LRP1B: variants seen among roughly 807,000 people sequenced by gnomAD.
LRP1B encodes the protein low-density lipoprotein receptor-related protein 1B.
LRP1B carries 217 observed loss-of-function variants against 556.6 expected under a neutral mutation model. The ratio of observed to expected loss-of-function variants is 0.39; its 90% CI spans 0.35 to 0.44. The LOEUF (loss-of-function observed/expected upper bound fraction) is 0.44, where lower values mean the gene tolerates loss of function less well. Ranked by LOEUF, LRP1B falls within the 20% of genes least tolerant of loss-of-function variation. The pLI is 1.00. For missense variants in LRP1B, 5,053 were observed against 5,620.8 expected, an observed-to-expected ratio of 0.90 and a Z score of 3.23; for synonymous variants, 2,047 against 1,865.8, an observed-to-expected ratio of 1.10 and a Z score of -2.50.
chr2:141,174,342 C>T (rs1680641377), intron 7 of LRP1B, among the ~76,000 whole-genome samples: 1 of 152,062 alleles, frequency 6.6e-6, no homozygotes, highest in South Asian at 2.1e-4. Flanking sequence ...ATATAATTTA[C>T]TTGTGATATG....
intron 71 of LRP1B, among the ~76,000 whole-genome samples, chr2:140,368,234 A>G (rs1385886567): frequency 6.6e-6 from 1 of 151,858 alleles, no homozygotes; most frequent in African/African-American, 2.4e-5. Flanking sequence ...AATCAGCTCA[A>G]CAGAAAATAT....
intron 1 of LRP1B, among the ~76,000 whole-genome samples, chr2:142,123,925 G>A (rs920645143): frequency 6.6e-6 from 1 of 151,882 alleles, no homozygotes; most frequent in Admixed American, 6.6e-5. Context: ...CCTTTGAAAA[G>A]CGTTACGTAT....
chr2:140,988,165 C>T (rs1696982814), intron 17 of LRP1B, among the ~76,000 whole-genome samples: 2 of 151,944 alleles, frequency 1.3e-5, no homozygotes, highest in Non-Finnish European at 2.9e-5. Flanking sequence ...TCAAGTTTCC[C>T]CTGATCTTTT....
At chr2:141,297,823 C>G (rs992484267) in intron 3 of LRP1B, among the ~76,000 whole-genome samples, 4 of 152,096 alleles carry the variant, frequency 2.6e-5, no homozygotes, top group South Asian at 2.1e-4. Flanking sequence ...TTTAGATACA[C>G]AAACACTTAC....
At chr2:140,960,562 A>G (rs773963794) in intron 18 of LRP1B, among the ~76,000 whole-genome samples, 20 of 151,816 alleles carry the variant, frequency 1.3e-4, no homozygotes, top group Non-Finnish European at 2.5e-4. Flanking sequence ...AAGAACGTTA[A>G]AAAAAGAAGC....
At chr2:142,112,772 T>C (rs1343596792) in intron 1 of LRP1B, among the ~76,000 whole-genome samples, 1 of 152,112 alleles carries the variant, frequency 6.6e-6, no homozygotes, top group Non-Finnish European at 1.5e-5. Flanking sequence ...CAAGACTCTA[T>C]AGTAGGTACT....
chr2:140,558,243 G>A (rs1243582748), intron 43 of LRP1B, among the ~76,000 whole-genome samples: 2 of 152,020 alleles, frequency 1.3e-5, no homozygotes, highest in South Asian at 2.1e-4. Context: ...CTGTATGGCC[G>A]AACAAATCCG....
rs113829413 is a variant in LRP1B, at chr2:140,303,711, G to A, written c.12806-5742C>T. On this transcript the variant is annotated intron_variant, in intron 83 of 90. Coordinates refer to ENST00000389484, the MANE Select transcript of LRP1B (RefSeq NM_018557.3). ...TCTAGGGTAGGTGTGCACAACATGCGGGTTTGTTACATAGGTATACATGTG... is the reference window on the plus strand; with the variant it reads ...TCTAGGGTAGGTGTGCACAACATGCAGGTTTGTTACATAGGTATACATGTG... Among the ~76,000 whole-genome samples the A allele has an allele frequency of 1.6e-4, 24 of 151,796 alleles. 1 individual carries two copies. Among genetic ancestry groups the A allele is most frequent in the South Asian group, 6.3e-4 (3 of 4,796 alleles).
intron 2 of LRP1B, among the ~76,000 whole-genome samples, chr2:141,688,088 A>G (rs1392672677): frequency 6.6e-6 from 1 of 151,842 alleles, no homozygotes; most frequent in African/African-American, 2.4e-5. Context: ...CCAAGCATCA[A>G]CATTAAGTCA....
Position 140,373,537 on chromosome 2 carries a change from G to C in LRP1B, c.10639-400C>G, listed in dbSNP as rs140562840. ...CATCATACTAATTAAGTTACTCTGA[G>C]AGTATCATTATTCAGTAGATAGTTA... On this transcript the variant is annotated intron_variant, in intron 68 of 90. Coordinates refer to ENST00000389484, the MANE Select transcript of LRP1B (RefSeq NM_018557.3). 2.4e-3 allele frequency among the ~76,000 whole-genome samples: 370 copies of C among 152,210 alleles called. 2 individuals are homozygous for C. Among genetic ancestry groups the C allele is most frequent in the African/African-American group, 8.0e-3 (334 of 41,522 alleles).
intron 7 of LRP1B, among the ~76,000 whole-genome samples, chr2:141,073,231 C>G (rs138415325): frequency 2.1e-3 from 324 of 152,186 alleles, no homozygotes; most frequent in African/African-American, 7.4e-3. Flanking sequence ...ATTTACCATT[C>G]AAATTTTTTT....
intron 89 of LRP1B, among the ~76,000 whole-genome samples, chr2:140,236,366 T>A (rs1439145099): frequency 1.3e-5 from 2 of 150,688 alleles, no homozygotes; most frequent in Non-Finnish European, 1.5e-5. Flanking sequence ...CTTTTGTAAG[T>A]CAGAAAAATA....
intron 48 of LRP1B, 28 bp downstream of exon 48, chr2:140,526,209 A>G: frequency 6.3e-7 from 1 of 1,594,944 alleles, no homozygotes. Flanking sequence ...CCAAGCATAA[A>G]CAGACAAAAG....
intron 86 of LRP1B, among the ~76,000 whole-genome samples, chr2:140,268,876 G>A (rs1488613862): frequency 6.6e-6 from 1 of 150,852 alleles, no homozygotes; most frequent in East Asian, 1.9e-4. Flanking sequence ...GTAAAATTTT[G>A]GGAAACAAAA....
intron 35 of LRP1B, among the ~76,000 whole-genome samples, chr2:140,725,704 A>T (rs554888755): frequency 2.6e-5 from 4 of 151,986 alleles, no homozygotes; most frequent in Admixed American, 6.5e-5. Context: ...AATAAATAAA[A>T]AAATAAATAA....
At chr2:141,232,117 A>G (rs1234124201) in intron 5 of LRP1B, among the ~76,000 whole-genome samples, 4 of 152,104 alleles carry the variant, frequency 2.6e-5, no homozygotes, top group Admixed American at 1.3e-4. Flanking sequence ...AACCTCTTAA[A>G]TCTATCTTTA....
chr2:141,317,981 C>A lies in LRP1B; in HGVS notation c.344-63340G>T, dbSNP rs139401022. Among the ~76,000 whole-genome samples the A allele has an allele frequency of 6.8e-3, 1,038 of 152,028 alleles. 35 individuals are homozygous for A. The highest frequency in any genetic ancestry group is 0.054 in the Admixed American group (816 of 15,236). On this transcript the variant is annotated intron_variant, in intron 3 of 90. Transcript: ENST00000389484. ...AAATTAACATTTTAATCAGTCTGAG[C>A]CATTCTTGCACTGTCAGTCCCTCAT...
At chr2:142,129,584 TTCTCTCTCTCTCTCTCTCTCTCTC>T (rs56034357) in intron 1 of LRP1B, among the ~76,000 whole-genome samples, 21,622 of 134,866 alleles carry the variant, frequency 0.16, 1,768 homozygotes, top group African/African-American at 0.22. Flanking sequence ...CTTTCTCTCT[TTCTCTCTCTCTCTCTCTCTCTCTC>T]TCTCTCTCTC....
chr2:141,277,320 A>G (rs1685341098), intron 3 of LRP1B, among the ~76,000 whole-genome samples: 1 of 152,268 alleles, frequency 6.6e-6, no homozygotes, highest in African/African-American at 2.4e-5. Flanking sequence ...AGGCTTTTTA[A>G]TAATAGCCAT....
Sources: allele counts gnomAD v4.1 joint callset (sites outside exome capture counted in the v4.1 genomes callset), GRCh38; gene constraint gnomAD v4.1.1; transcripts MANE v1.5; gene names NCBI Gene and HGNC (gene_info 2026-07-23, HGNC 2026-07-21).